SCN8A: variants seen among roughly 807,000 people sequenced by gnomAD.
The protein encoded by SCN8A is sodium voltage-gated channel alpha subunit 8.
A neutral mutation model predicts 184.1 loss-of-function variants in SCN8A; 30 were observed. The ratio of observed to expected loss-of-function variants is 0.16; its 90% CI spans 0.12 to 0.22. SCN8A has a LOEUF of 0.22. Among genes scored for constraint, SCN8A ranks in the 10% least tolerant of loss-of-function variants. The pLI is 1.00. For synonymous variants in SCN8A, 852 were observed against 907.0 expected, an observed-to-expected ratio of 0.94 and a Z score of 1.09; for missense variants, 1,057 against 2,498.9, an observed-to-expected ratio of 0.42 and a Z score of 12.30.
At position 51,809,210 on chromosome 12, in the gene SCN8A, C is replaced by G. The variant is rs549248535; in HGVS notation, c.*1781C>G. 1 of 152,218 alleles carries G rather than the reference C, an allele frequency of 6.6e-6. No homozygotes were observed. Among genetic ancestry groups the G allele is most frequent in the East Asian group, 1.9e-4 (1 of 5,190 alleles). 9.4% of individuals were successfully genotyped at this position (152,218 alleles called of 1,614,324 possible). ...CAGTTTTTAGTCCAGGGGTTTCTCA[C>G]CTAATGACTGGATTTCAAAGCCAAG... is the stretch of plus-strand genomic sequence containing the variant. On this transcript the variant is annotated 3_prime_UTR_variant, in exon 27 of 27. Coordinates refer to ENST00000627620, the MANE Select transcript of SCN8A (RefSeq NM_001330260.2).
At chr12:51,784,614 T>TA (rs1164142219) in intron 21 of SCN8A, among the ~76,000 whole-genome samples, 7 of 152,232 alleles carry the variant, frequency 4.6e-5, no homozygotes, top group Non-Finnish European at 8.8e-5. Context: ...ATTTGCATCT[T>TA]ATAAAACTTT....
chr12:51,682,393 A>T (rs1941350259), intron 2 of SCN8A, among the ~76,000 whole-genome samples: 1 of 152,172 alleles, frequency 6.6e-6, no homozygotes, highest in African/African-American at 2.4e-5. Flanking sequence ...AATTCTTTAA[A>T]CATTTGGTAG....
chr12:51,639,234 C>T (rs10747615), intron 1 of SCN8A, among the ~76,000 whole-genome samples: 106,780 of 152,066 alleles, frequency 0.7, 40,351 homozygotes, highest in East Asian at 0.86. Context: ...CTGCCTTGGT[C>T]TCCCAAAGTG....
At chr12:51,768,621 T>C (rs1211017563) in intron 16 of SCN8A, among the ~76,000 whole-genome samples, 1 of 152,122 alleles carries the variant, frequency 6.6e-6, no homozygotes, top group Non-Finnish European at 1.5e-5. Context: ...TTCGGGTACA[T>C]ATATATGTAT....
At chr12:51,677,133 T>C (rs1341366774) in intron 2 of SCN8A, among the ~76,000 whole-genome samples, 2 of 151,174 alleles carry the variant, frequency 1.3e-5, no homozygotes, top group African/African-American at 4.9e-5. Context: ...TCCTGCTCTG[T>C]TTCCCAGGCT....
chr12:51,731,101 T>C (rs1381665592), intron 12 of SCN8A, among the ~76,000 whole-genome samples: 1 of 152,264 alleles, frequency 6.6e-6, no homozygotes, highest in Admixed American at 6.5e-5. Context: ...ACATTTTCTT[T>C]CTCCATTCAT....
chr12:51,692,817 T>C (rs1428953715), intron 6 of SCN8A, among the ~76,000 whole-genome samples: 1 of 152,210 alleles, frequency 6.6e-6, no homozygotes, highest in East Asian at 1.9e-4. Flanking sequence ...AAAGAGTTTC[T>C]CAGGTTCTTC....
intron 7 of SCN8A, 44 bp from the exon 8 acceptor site, chr12:51,701,100 C>G (rs1182592045): frequency 2.9e-6 from 4 of 1,392,246 alleles, no homozygotes; most frequent in Non-Finnish European, 4.1e-6. Context: ...CTCTCATTCA[C>G]TTAAATCTGC....
At chr12:51,637,350 T>G (rs903057976) in intron 1 of SCN8A, among the ~76,000 whole-genome samples, 3 of 152,180 alleles carry the variant, frequency 2.0e-5, no homozygotes, top group African/African-American at 7.2e-5. Flanking sequence ...TAGAAATGAT[T>G]AAACTTAGTG....
intron 2 of SCN8A, among the ~76,000 whole-genome samples, chr12:51,678,473 G>A (rs140089918): frequency 3.0e-4 from 45 of 152,266 alleles, no homozygotes; most frequent in Non-Finnish European, 5.7e-4. Flanking sequence ...ACTTAATCCT[G>A]GATGCTCTGT....
chr12:51,696,105 A>G (rs778088662), intron 6 of SCN8A, among the ~76,000 whole-genome samples: 56 of 152,364 alleles, frequency 3.7e-4, no homozygotes, highest in Admixed American at 6.5e-4. Flanking sequence ...AATACAAAAG[A>G]CAGCTTACAG....
chr12:51,776,491 TC>T (rs1300366268), intron 20 of SCN8A, among the ~76,000 whole-genome samples: 2 of 152,226 alleles, frequency 1.3e-5, no homozygotes, highest in Non-Finnish European at 2.9e-5. Context: ...GTAGAATTGC[TC>T]CAGAAGCAAT....
intron 1 of SCN8A, among the ~76,000 whole-genome samples, chr12:51,611,219 T>A (rs910984232): frequency 1.5e-4 from 22 of 151,290 alleles, no homozygotes; most frequent in African/African-American, 5.3e-4. Flanking sequence ...AGACAGAGTC[T>A]CTCTGTCGCC....
At chr12:51,603,128 G>C (rs1939505517) in intron 1 of SCN8A, among the ~76,000 whole-genome samples, 1 of 152,104 alleles carries the variant, frequency 6.6e-6, no homozygotes, top group South Asian at 2.1e-4. Context: ...ATACAGAACA[G>C]TTCCATTACC....
intron 1 of SCN8A, among the ~76,000 whole-genome samples, chr12:51,643,197 A>G (rs1172216367): frequency 6.6e-6 from 1 of 152,184 alleles, no homozygotes; most frequent in African/African-American, 2.4e-5. Context: ...GGAGTAGGAA[A>G]GAACTTGATC....
In SCN8A at chr12:51,765,988, C is replaced by T. The variant is rs750951288; in HGVS notation, c.2862C>T (p.Leu954=). The part of the protein sequence containing the change: ...CMEVAGQAMC[L]IVFMMVMVIG... ...AAGTGGCAGGCCAGGCCATGTGCCT[C>T]ATTGTCTTTATGATGGTCATGGTGA... The change falls in exon 16 of 27, where the codon CTC becomes CTT. Residue 954 remains leucine (L), a synonymous_variant. Transcript: ENST00000627620. The T allele has an allele frequency of 5.0e-6, 8 of 1,614,110 alleles. No individual in the cohort carries two copies. The East Asian group carries it at 1.6e-4, about 31-fold the overall frequency.
chr12:51,603,084 A>T (rs1332390392), intron 1 of SCN8A, among the ~76,000 whole-genome samples: 1 of 152,254 alleles, frequency 6.6e-6, no homozygotes, highest in East Asian at 1.9e-4. Context: ...ATTTTTACAC[A>T]TGTATAGGTT....
At chr12:51,766,917 T>C (rs886795944) in intron 16 of SCN8A, among the ~76,000 whole-genome samples, 1 of 152,200 alleles carries the variant, frequency 6.6e-6, no homozygotes, top group African/African-American at 2.4e-5. Flanking sequence ...CCTGCAAGTG[T>C]AGGGCAAAGA....
At chr12:51,721,081 T>TTATATATATATATATATATATATATA (rs58356368) in intron 11 of SCN8A, among the ~76,000 whole-genome samples, 17 of 86,782 alleles carry the variant, frequency 2.0e-4, no homozygotes, top group East Asian at 6.3e-4. Flanking sequence ...AAAAAAAAAA[T>TTATATATATATATATATATATATATA]TATATATATA....
Sources: allele counts gnomAD v4.1 joint callset (sites outside exome capture counted in the v4.1 genomes callset), GRCh38; gene constraint gnomAD v4.1.1; transcripts MANE v1.5; gene names NCBI Gene and HGNC (gene_info 2026-07-23, HGNC 2026-07-21).